Variants in METTL5 observed in about 807,000 individuals in gnomAD.
METTL5 encodes methyltransferase 5, N6-adenosine, also known as rRNA N(6)-adenosine-methyltransferase METTL5.
Under a neutral mutation model 26.5 loss-of-function variants are expected in METTL5, and 28 were observed. That is an observed-to-expected ratio of 1.06 (90% CI 0.78 to 1.45). The LOEUF (loss-of-function observed/expected upper bound fraction) is 1.45. Ranked by LOEUF, METTL5 falls within the 40% of genes most tolerant of loss-of-function variation. The pLI, the probability that METTL5 is intolerant of heterozygous loss-of-function variation, is 0.00. For missense variants in METTL5, 231 were observed against 249.9 expected (o/e 0.92, Z 0.51); for synonymous variants, 86 against 82.6 (o/e 1.04, Z -0.22).
In METTL5 at chr2:169,824,842, G is replaced by A. The variant is rs985344291; in HGVS notation, c.-245C>T. ...GCGGCGCACTGCTGGAGCAGCCTCA[G>A]GATCCCTCGCGCCACGACCACGCAC... On this transcript the variant is annotated 5_prime_UTR_variant, in exon 1 of 7. Transcript: ENST00000260953. 2.7e-6 allele frequency: 1 copy of A among 372,460 alleles called. No individual in the cohort carries two copies. 23.1% of individuals were successfully genotyped at this position (372,460 alleles called of 1,614,324 possible). A position where few individuals can be genotyped will look rare whatever the true frequency, so the allele number is the denominator to read the frequency against.
At chr2:169,813,425 G>T (rs1450701782) in intron 5 of METTL5, among the ~76,000 whole-genome samples, 1 of 150,566 alleles carries the variant, frequency 6.6e-6, no homozygotes, top group Non-Finnish European at 1.5e-5. Context: ...CACCACGCCC[G>T]GCCTGAAATT....
At chr2:169,814,661 G>C (rs542181051) in intron 5 of METTL5, among the ~76,000 whole-genome samples, 1 of 148,932 alleles carries the variant, frequency 6.7e-6, no homozygotes, top group Non-Finnish European at 1.5e-5. Flanking sequence ...TGCAAGCTCC[G>C]CCTCCCAGGT....
rs1303103576 is a variant in METTL5, at chr2:169,824,533, G to C, written c.65C>G (p.Pro22Arg). ...RLQQVDGFEK[P>R]KLLLEQYPTR... Reference sequence around the variant, plus strand: ...AGGATACTGTTCCAGAAGTAGCTTGGGCTTTTCAAATCCATCCACTTGTTG... The same window carrying C: ...AGGATACTGTTCCAGAAGTAGCTTGCGCTTTTCAAATCCATCCACTTGTTG... Residue 22 changes from proline to arginine, a missense_variant, in exon 1 of 7, where the codon CCC becomes CGC. Coordinates refer to ENST00000260953, the MANE Select transcript of METTL5 (RefSeq NM_014168.4). 1 of 1,614,016 alleles carries C rather than the reference G, an allele frequency of 6.2e-7. No individual in the cohort carries two copies. The highest frequency in any genetic ancestry group is 8.5e-7 in the Non-Finnish European group (1 of 1,180,028).
chr2:169,819,017 A>G (rs2081547186), intron 4 of METTL5, among the ~76,000 whole-genome samples: 2 of 152,218 alleles, frequency 1.3e-5, no homozygotes, highest in African/African-American at 4.8e-5. Flanking sequence ...TGGCTTCAGA[A>G]TCTCTGTTCC....
At chr2:169,812,797 T>G in intron 5 of METTL5, 1 of 244,514 alleles carries the variant, frequency 4.1e-6, no homozygotes. Context: ...GATGGTACCT[T>G]TCTATTTTTA....
In METTL5 at chr2:169,815,542, A is replaced by G. The variant is rs903562805; in HGVS notation, c.490-14T>C. ...CTTTTGAACATGCTGAACATAAATA[A>G]TATGTTGTTATGAGCTGATTTTTAA... On this transcript the variant is annotated splice_polypyrimidine_tract_variant and intron_variant, in intron 4 of 6. Transcript: ENST00000260953. 1 of 1,568,134 alleles carries G rather than the reference A, an allele frequency of 6.4e-7. No individual in the cohort carries two copies. Among genetic ancestry groups the G allele is most frequent in the African/African-American group, 1.4e-5 (1 of 73,802 alleles).
At chr2:169,817,709 G>A (rs1484956152) in intron 4 of METTL5, among the ~76,000 whole-genome samples, 6 of 123,632 alleles carry the variant, frequency 4.9e-5, no homozygotes, top group Admixed American at 2.3e-4. Context: ...AGTGGGAGTT[G>A]AACAACGAGA....
chr2:169,821,407 TC>T, intron 2 of METTL5, 134 bp from the exon 3 acceptor site: 1 of 668,308 alleles, frequency 1.5e-6, no homozygotes, highest in Non-Finnish European at 2.4e-6. Flanking sequence ...AGTGTTTTCT[TC>T]TTTTTTTTTT....
At chr2:169,812,392 C>T in intron 6 of METTL5, 65 bp downstream of exon 6, 23 of 1,612,634 alleles carry the variant, frequency 1.4e-5, no homozygotes, top group Non-Finnish European at 2.0e-5. Flanking sequence ...AGGCATGAAC[C>T]ACCACATCCG....
rs372486285 is a variant in METTL5, at chr2:169,811,759, T to G, written c.*61A>C. ...AAAATGGTGCTGGAGACCAGTAGTT[T>G]AGTAAACCAATTTTTTATTCATTTT... is the stretch of plus-strand genomic sequence containing the variant. On this transcript the variant is annotated 3_prime_UTR_variant, in exon 7 of 7. Coordinates refer to ENST00000260953, the MANE Select transcript of METTL5 (RefSeq NM_014168.4). 15 of 1,613,056 alleles carry G rather than the reference T, an allele frequency of 9.3e-6. 1 individual carries two copies. The highest frequency in any genetic ancestry group is 1.3e-5 in the African/African-American group (1 of 74,838).
chr2:169,812,425 G>A (rs199810801), intron 6 of METTL5, 32 bp downstream of exon 6: 5 of 1,613,588 alleles, frequency 3.1e-6, no homozygotes, highest in African/African-American at 1.3e-5. Context: ...TTTCAATACC[G>A]AATGTAGACC....
At chr2:169,815,663 T>C (rs112977209) in intron 4 of METTL5, 135 bp from the exon 5 acceptor site, 42 of 577,904 alleles carry the variant, frequency 7.3e-5, no homozygotes, top group African/African-American at 6.6e-4. Flanking sequence ...AAAATTTCAA[T>C]TGAATGGATA....
At position 169,819,645 on chromosome 2, in the gene METTL5, T is replaced by C. The variant is rs752822656; in HGVS notation, c.407-2A>G. 6.2e-7 allele frequency: 1 copy of C among 1,606,798 alleles called. No individual in the cohort carries two copies. The highest frequency in any genetic ancestry group is 8.5e-7 in the Non-Finnish European group (1 of 1,175,068). On this transcript the variant is annotated splice_acceptor_variant, in intron 3 of 6. Transcript: ENST00000260953. LOFTEE classifies it high-confidence loss of function. ...TCTTTAGAAAAGCCATATCTGTCCC[T>C]GTGAAGAGTAGAAAAAAAGCTCCTA...
At chr2:169,813,191 G>A (rs182060513) in intron 5 of METTL5, 3 of 149,786 alleles carry the variant, frequency 2.0e-5, no homozygotes, top group Admixed American at 6.7e-5. Context: ...GCAGTGGCGC[G>A]ATCTGGGCTC....
intron 1 of METTL5, among the ~76,000 whole-genome samples, chr2:169,822,767 C>T (rs1321268598): frequency 1.3e-5 from 2 of 152,096 alleles, no homozygotes; most frequent in Non-Finnish European, 1.5e-5. Flanking sequence ...CACCAGAACA[C>T]AAGCACCATA....
intron 3 of METTL5, 77 bp downstream of exon 3, chr2:169,821,015 C>A (rs2081576520): frequency 8.2e-7 from 1 of 1,220,746 alleles, no homozygotes; most frequent in Non-Finnish European, 1.1e-6. Flanking sequence ...CACGCCTGAG[C>A]CACTGCGCCT....
Position 169,812,372 on chromosome 2 carries a change from C to G in METTL5, c.591+85G>C, listed in dbSNP as rs781249579. ...TCTCTTGCCTCAGCCTCCCGAGTAG[C>G]TGGGATTACAGGCATGAACCACCAC... On this transcript the variant is annotated intron_variant, in intron 6 of 6. Transcript: ENST00000260953. 2.5e-5 allele frequency: 40 copies of G among 1,610,100 alleles called. No individual in the cohort carries two copies. The South Asian group carries it at 4.0e-4, about 16-fold the overall frequency.
intron 2 of METTL5, 142 bp downstream of exon 2, chr2:169,821,801 C>A (rs1395801490): frequency 7.7e-6 from 5 of 646,134 alleles, no homozygotes; most frequent in Non-Finnish European, 1.3e-5. Context: ...AGATCTTCTG[C>A]CCATTCAAAA....
chr2:169,821,319 A>C (rs1228572500), intron 2 of METTL5, 46 bp from the exon 3 acceptor site: 13 of 1,399,534 alleles, frequency 9.3e-6, no homozygotes, highest in Non-Finnish European at 1.2e-5. Flanking sequence ...TATAGCTCCC[A>C]AGTAAAAACA....
Sources: gnomAD v4.1 joint callset for allele counts (sites outside exome capture counted in the v4.1 genomes callset) on GRCh38, gnomAD v4.1.1 for gene constraint, MANE v1.5 for transcripts, NCBI Gene and HGNC (gene_info 2026-07-23, HGNC 2026-07-21) for gene names.